The following ART3 variants were observed in gnomAD, a reference collection of about 807,000 sequenced individuals.
ART3 encodes the protein ecto-ADP-ribosyltransferase 3.
Under a neutral mutation model 48.5 loss-of-function variants are expected in ART3, and 49 were observed. The observed-to-expected ratio is 1.01, with a 90% CI of 0.80 to 1.28. ART3 has a LOEUF of 1.28. Among genes scored for constraint, ART3 ranks in the 50% most tolerant of loss-of-function variants. ART3 has a pLI of 0.00. For missense variants in ART3, 438 were observed against 454.3 expected, an observed-to-expected ratio of 0.96 and a Z score of 0.33; for synonymous variants, 145 against 157.2, an observed-to-expected ratio of 0.92 and a Z score of 0.58.
intron 1 of ART3, among the ~76,000 whole-genome samples, chr4:76,068,292 T>C (rs1719942208): frequency 6.6e-6 from 1 of 152,172 alleles, no homozygotes; most frequent in Non-Finnish European, 1.5e-5. Context: ...ACCCAAAAAA[T>C]GTGTTCCCTC....
chr4:76,021,333 AC>A (rs1254563454), intron 1 of ART3: 1 of 152,374 alleles, frequency 6.6e-6, no homozygotes, highest in Non-Finnish European at 1.5e-5. Context: ...TACACTGAAA[AC>A]AATATAGGAA....
At chr4:76,049,460 C>G (rs533132902) in intron 1 of ART3, among the ~76,000 whole-genome samples, 1 of 151,786 alleles carries the variant, frequency 6.6e-6, no homozygotes, top group Admixed American at 6.6e-5. Flanking sequence ...TGTCGACCCT[C>G]GGCTCAGCCC....
At chr4:76,043,151 G>A (rs1177065575) in intron 1 of ART3, among the ~76,000 whole-genome samples, 1 of 151,968 alleles carries the variant, frequency 6.6e-6, no homozygotes, top group African/African-American at 2.4e-5. Context: ...ACAGAGGGCT[G>A]ATTGGTGTAT....
intron 2 of ART3, 150 bp downstream of exon 2, chr4:76,076,108 C>T (rs7693693): frequency 0.12 from 72,977 of 632,364 alleles, 8,660 homozygotes; most frequent in African/African-American, 0.47. Flanking sequence ...AGGTTCATGC[C>T]ATTTTCCTGC....
chr4:76,040,420 T>G (rs1449036866), intron 1 of ART3, among the ~76,000 whole-genome samples: 2 of 139,254 alleles, frequency 1.4e-5, no homozygotes, highest in African/African-American at 5.3e-5. Context: ...TCTGGATGGA[T>G]ACGCACATAC....
chr4:76,029,398 C>T (rs918918117), intron 1 of ART3, among the ~76,000 whole-genome samples: 1 of 152,102 alleles, frequency 6.6e-6, no homozygotes, highest in African/African-American at 2.4e-5. Flanking sequence ...CTTATGGTGC[C>T]AGGATTTTTA....
intron 1 of ART3, among the ~76,000 whole-genome samples, chr4:76,012,876 T>C (rs1189294706): frequency 1.3e-5 from 2 of 152,218 alleles, no homozygotes; most frequent in Non-Finnish European, 2.9e-5. Context: ...AAAATGTCAC[T>C]TTAAAATTGC....
intron 1 of ART3, among the ~76,000 whole-genome samples, chr4:76,037,834 T>A (rs1734580625): frequency 6.6e-6 from 1 of 152,212 alleles, no homozygotes; most frequent in Admixed American, 6.5e-5. Context: ...GTTTTACCAA[T>A]AAAAGTTGGT....
intron 1 of ART3, among the ~76,000 whole-genome samples, chr4:76,035,753 A>G (rs950351806): frequency 6.6e-6 from 1 of 152,244 alleles, no homozygotes; most frequent in South Asian, 2.1e-4. Flanking sequence ...AGTTTCAATA[A>G]TCATCTCTAG....
Position 76,112,606 on chromosome 4 carries a change from C to G in ART3, c.*87C>G, listed in dbSNP as rs527838946. ...ATCAAAAGGAATGATGTATTTTTTACGTGTTGGCCAAAGTCACTGGATAAA... is the reference window on the plus strand; with the variant it reads ...ATCAAAAGGAATGATGTATTTTTTAGGTGTTGGCCAAAGTCACTGGATAAA... On this transcript the variant is annotated 3_prime_UTR_variant, in exon 12 of 12. Transcript: ENST00000355810. 12 of 1,392,424 alleles carry G rather than the reference C, an allele frequency of 8.6e-6. No homozygotes were observed. The Admixed American group carries it at 1.2e-4, about 14-fold the overall frequency. 86.3% of individuals were successfully genotyped at this position (1,392,424 alleles called of 1,614,324 possible). A position where few individuals can be genotyped will look rare whatever the true frequency, so the allele number is the denominator to read the frequency against.
chr4:76,053,909 T>C (rs776521849), intron 1 of ART3, among the ~76,000 whole-genome samples: 27 of 152,228 alleles, frequency 1.8e-4, no homozygotes, highest in Non-Finnish European at 3.5e-4. Context: ...GCATGGCCTT[T>C]AGTTGGCTGC....
chr4:76,083,882 T>G (rs1010235171), intron 3 of ART3, among the ~76,000 whole-genome samples: 3 of 152,106 alleles, frequency 2.0e-5, no homozygotes, highest in African/African-American at 7.2e-5. Context: ...GAAATGGCTG[T>G]TAGATCAGTA....
At chr4:76,016,052 T>C (rs1009892710) in intron 1 of ART3, among the ~76,000 whole-genome samples, 1 of 152,234 alleles carries the variant, frequency 6.6e-6, no homozygotes, top group Non-Finnish European at 1.5e-5. Context: ...ATCAGGGTAA[T>C]ACTGGCCTTA....
At chr4:76,067,018 C>T (rs1360797382) in intron 1 of ART3, among the ~76,000 whole-genome samples, 2 of 152,188 alleles carry the variant, frequency 1.3e-5, no homozygotes, top group Non-Finnish European at 2.9e-5. Context: ...GGGCAGGGCT[C>T]CTGCCTGCTC....
chr4:76,076,004 G>T (rs201201175), intron 2 of ART3, 46 bp downstream of exon 2: 495 of 1,194,956 alleles, frequency 4.1e-4, no homozygotes, highest in South Asian at 1.1e-3. Flanking sequence ...ATGGAAATTC[G>T]TTTTTTTTTT....
intron 1 of ART3, among the ~76,000 whole-genome samples, chr4:76,038,700 T>A (rs1734668129): frequency 4.7e-5 from 1 of 21,434 alleles, no homozygotes; most frequent in South Asian, 1.1e-3. Context: ...CCCTTGATTA[T>A]TTATTTATTT....
At chr4:76,090,004 T>C (rs1724511983) in intron 3 of ART3, among the ~76,000 whole-genome samples, 1 of 152,096 alleles carries the variant, frequency 6.6e-6, no homozygotes, top group African/African-American at 2.4e-5. Flanking sequence ...CACTTGAACC[T>C]GGGAGGCAGA....
chr4:76,017,667 T>G (rs1732389741), intron 1 of ART3, among the ~76,000 whole-genome samples: 1 of 152,308 alleles, frequency 6.6e-6, no homozygotes, highest in Admixed American at 6.5e-5. Context: ...TGCCTAGGAC[T>G]TGCAATCCTT....
At chr4:76,025,949 A>T (rs886761889) in intron 1 of ART3, among the ~76,000 whole-genome samples, 1 of 152,108 alleles carries the variant, frequency 6.6e-6, no homozygotes, top group Non-Finnish European at 1.5e-5. Flanking sequence ...TATTTAAAAA[A>T]CGTAAGTGAT....
Sources: gnomAD v4.1 joint callset for allele counts (sites outside exome capture counted in the v4.1 genomes callset) on GRCh38, gnomAD v4.1.1 for gene constraint, MANE v1.5 for transcripts, NCBI Gene and HGNC (gene_info 2026-07-23, HGNC 2026-07-21) for gene names.